Variants in WBP1 observed in about 807,000 individuals in gnomAD.
WBP1 encodes the protein WW domain-binding protein 1.
WBP1 carries 18 observed loss-of-function variants against 25.6 expected under a neutral mutation model. That is an observed-to-expected ratio of 0.70 (90% CI 0.49 to 1.04). The LOEUF (loss-of-function observed/expected upper bound fraction) is 1.04, where lower values mean the gene tolerates loss of function less well. Among genes scored for constraint, WBP1 ranks in the 50% least tolerant of loss-of-function variants. The pLI, the probability that WBP1 is intolerant of heterozygous loss-of-function variation, is 0.00. For synonymous variants in WBP1, 122 were observed against 137.7 expected, an observed-to-expected ratio of 0.89 and a Z score of 0.80; for missense variants, 330 against 352.9, an observed-to-expected ratio of 0.94 and a Z score of 0.52.
chr2:74,458,498 G>C lies in WBP1; in HGVS notation c.-105G>C. 4 of 1,486,704 alleles carry C rather than the reference G, an allele frequency of 2.7e-6. No homozygotes were observed. The highest frequency in any genetic ancestry group is 2.4e-4 in the Middle Eastern group (1 of 4,086). The allele number at this position is 1,486,704 out of a possible 1,614,324, so 92.1% of individuals were successfully genotyped here. ...GCCGCGGAGTGATGGTGGCCTCAGC[G>C]AAGATGGGCCGGGCAGGGACCATGG... On this transcript the variant is annotated 5_prime_UTR_variant, in exon 1 of 4. Coordinates refer to ENST00000233615, the MANE Select transcript of WBP1 (RefSeq NM_012477.4).
chr2:74,459,321 CGAG>C, intron 1 of WBP1: 1 of 267,446 alleles, frequency 3.7e-6, no homozygotes, highest in Non-Finnish European at 6.9e-6. Context: ...CAGAAAGCAC[CGAG>C]GGGATGGGGG....
chr2:74,459,494 A>G (rs968096289), intron 1 of WBP1, 149 bp from the exon 2 acceptor site: 35 of 719,894 alleles, frequency 4.9e-5, no homozygotes, highest in African/African-American at 1.4e-4. Context: ...AGATATTTCA[A>G]CACTCCTCTC....
intron 1 of WBP1, 155 bp from the exon 2 acceptor site, chr2:74,459,488 A>G (rs1434450837): frequency 1.4e-6 from 1 of 699,614 alleles, no homozygotes; most frequent in Non-Finnish European, 2.5e-6. Context: ...CCCTTCAGAT[A>G]TTTCAACACT....
At chr2:74,459,211 A>G (rs1671813083) in intron 1 of WBP1, 1 of 1,418,998 alleles carries the variant, frequency 7.0e-7, no homozygotes, top group East Asian at 2.5e-5. Flanking sequence ...GCGCAGGATA[A>G]TGAAAGCAAC....
rs964223807 is a variant in WBP1, at chr2:74,459,873, G to C, written c.173G>C (p.Trp58Ser). ...GTTGCTCCCTCCTTGCCTCTTGCAGGGTTCTGGCTGCTCTGGACTGTCCTC... is the reference window on the plus strand; with the variant it reads ...GTTGCTCCCTCCTTGCCTCTTGCAGCGTTCTGGCTGCTCTGGACTGTCCTC... The part of the protein sequence containing the change: ...GCCTYYYELW[W>S]FWLLWTVLIL... Residue 58 changes from tryptophan (W) to serine (S), a missense_variant and splice_region_variant, in exon 3 of 4, where the codon TGG becomes TCG. By Grantham distance (177) the Trp-to-Ser change is radical. Transcript: ENST00000233615. 2 of 1,613,240 alleles carry C rather than the reference G, an allele frequency of 1.2e-6. No homozygotes were observed. The highest frequency in any genetic ancestry group is 3.3e-5 in the Admixed American group (2 of 59,980).
intron 1 of WBP1, 47 bp downstream of exon 1, chr2:74,458,718 T>G (rs1029662902): frequency 1.9e-6 from 3 of 1,544,886 alleles, no homozygotes; most frequent in Admixed American, 2.0e-5. Flanking sequence ...TTTGTCTCTT[T>G]CCCCTTTCCT....
chr2:74,459,499 C>A (rs1466789495), intron 1 of WBP1, 144 bp from the exon 2 acceptor site: 2 of 736,260 alleles, frequency 2.7e-6, no homozygotes, highest in Non-Finnish European at 4.6e-6. Flanking sequence ...TTTCAACACT[C>A]CTCTCAGCAT....
chr2:74,459,738 G>A lies in WBP1; in HGVS notation c.165G>A (p.Glu55=), dbSNP rs1006534376. 4.3e-6 allele frequency: 7 copies of A among 1,614,056 alleles called. No homozygotes were observed. The Admixed American group carries it at 1.2e-4, about 27-fold the overall frequency. ...CTGGCTGCTGCACCTACTACTATGA[G>A]CTCTGGTGTAAGTCTCCAAGAGGGC... ...GETGCCTYYY[E]LWWFWLLWTV... Residue 55 remains glutamate (E), a synonymous_variant, in exon 2 of 4, where the codon GAG becomes GAA. Coordinates refer to ENST00000233615, the MANE Select transcript of WBP1 (RefSeq NM_012477.4).
chr2:74,459,056 C>G (rs1006910040), intron 1 of WBP1: 2 of 1,550,048 alleles, frequency 1.3e-6, no homozygotes, highest in African/African-American at 2.7e-5. Flanking sequence ...CCCAGACTCG[C>G]GCCCTGGATG....
chr2:74,460,623 A>C lies in WBP1; in HGVS notation c.752A>C (p.Glu251Ala). The change falls in exon 4 of 4, where the codon GAG (glutamate) becomes GCG (alanine). Residue 251 changes from glutamate to alanine, a missense_variant. Glu to Ala is a moderately radical substitution (Grantham distance 107, BLOSUM62 -1). Coordinates refer to ENST00000233615, the MANE Select transcript of WBP1 (RefSeq NM_012477.4). ...TACTCCCCGTGTGCACTACCCCCAG[A>C]GTCTGTACCGCAGATCTTTCCCATG... ...EDYSPCALPPESVPQIFPMGL... is the reference protein window; with the variant it reads ...EDYSPCALPPASVPQIFPMGL... 1 of 1,608,036 alleles carries C rather than the reference A, an allele frequency of 6.2e-7. No individual in the cohort carries two copies. Among genetic ancestry groups the C allele is most frequent in the Non-Finnish European group, 8.5e-7 (1 of 1,176,558 alleles).
chr2:74,459,559 T>C lies in WBP1; in HGVS notation c.70-84T>C, dbSNP rs1220021882. 6.3e-6 allele frequency: 8 copies of C among 1,265,708 alleles called. No homozygotes were observed. In the African/African-American group the frequency reaches 7.4e-5, roughly 12 times the overall value. The allele number at this position is 1,265,708 out of a possible 1,614,324, so 78.4% of individuals were successfully genotyped here. A position where few individuals can be genotyped will look rare whatever the true frequency, so the allele number is the denominator to read the frequency against. On this transcript the variant is annotated intron_variant, in intron 1 of 3. Transcript: ENST00000233615. ...GCTGAACTTGGTTCACAGGGTGGGATTGTGTATGTGCATGCAGGAGGTGGG... is the reference window on the plus strand; with the variant it reads ...GCTGAACTTGGTTCACAGGGTGGGACTGTGTATGTGCATGCAGGAGGTGGG...
Position 74,459,949 on chromosome 2 carries a change from G to C in WBP1, c.249G>C (p.Arg83Ser), listed in dbSNP as rs1236946226. ...CAFRHRRAKLRLQQQQRQREI... is the reference protein window; with the variant it reads ...CAFRHRRAKLSLQQQQRQREI... ...TCCGCCACCGACGAGCTAAACTCAG[G>C]CTGCAACAACAGCAGCGGCAGCGTG... Residue 83 changes from arginine to serine, a missense_variant, in exon 3 of 4, where the codon AGG becomes AGC. By Grantham distance (110) the Arg-to-Ser change is moderately radical. Transcript: ENST00000233615. 3.1e-6 allele frequency: 5 copies of C among 1,614,158 alleles called. No homozygotes were observed. In the African/African-American group the frequency reaches 4.0e-5, roughly 13 times the overall value.
chr2:74,459,787 C>T, intron 2 of WBP1, 42 bp downstream of exon 2: 1 of 1,613,540 alleles, frequency 6.2e-7, no homozygotes. Flanking sequence ...CTGTGTCCAC[C>T]CTCCCTTGGA....
chr2:74,458,536 AG>A lies in WBP1; in HGVS notation c.-65del, dbSNP rs1671783815. 6.6e-7 allele frequency: 1 copy of A among 1,523,086 alleles called. No homozygotes were observed. Among genetic ancestry groups the A allele is most frequent in the African/African-American group, 1.4e-5 (1 of 72,666 alleles). The allele number at this position is 1,523,086 out of a possible 1,614,324, so 94.3% of individuals were successfully genotyped here. On this transcript the variant is annotated 5_prime_UTR_variant, in exon 1 of 4. The change creates a premature stop within an existing upstream ORF in the 5' untranslated region. Transcript: ENST00000233615. Reference sequence around the variant, plus strand: ...GCAGGGACCATGGCGGTGGCAGCAGAGGTGGCAGGGGCGGGGCGGCTGGCGG... The same window carrying A: ...GCAGGGACCATGGCGGTGGCAGCAGAGTGGCAGGGGCGGGGCGGCTGGCGG...
At position 74,460,288 on chromosome 2, in the gene WBP1, C is replaced by G. The variant is rs151042212; in HGVS notation, c.417C>G (p.Pro139=). 552 of 1,614,130 alleles carry G rather than the reference C, an allele frequency of 3.4e-4. 2 individuals are homozygous for G. In the Middle Eastern group the frequency reaches 5.1e-3, roughly 15 times the overall value. ...TTCACCGCCCAGGCACACCACCCCC[C>G]CCTTATACTGTGGCCCCAGGCCGCC... The part of the protein sequence containing the change: ...DVVHRPGTPP[P]PYTVAPGRPL... The change falls in exon 4 of 4, where the codon CCC becomes CCG. Residue 139 remains proline, a synonymous_variant. Transcript: ENST00000233615.
Position 74,459,639 on chromosome 2 carries a change from G to T in WBP1, c.70-4G>T. ...CTTAGTTCTAAGTGCCTCCTTGCCC[G>T]CAGCTTCGAGAGCTGTGCCCAGGAG... On this transcript the variant is annotated splice_polypyrimidine_tract_variant and splice_region_variant and intron_variant, in intron 1 of 3. Coordinates refer to ENST00000233615, the MANE Select transcript of WBP1 (RefSeq NM_012477.4). 6.2e-7 allele frequency: 1 copy of T among 1,613,710 alleles called. No homozygotes were observed. Among genetic ancestry groups the T allele is most frequent in the Non-Finnish European group, 8.5e-7 (1 of 1,179,886 alleles).
Position 74,459,920 on chromosome 2 carries a change from G to A in WBP1, c.220G>A (p.Ala74Thr), listed in dbSNP as rs776821607. The A allele has an allele frequency of 8.7e-6, 14 of 1,614,134 alleles. No homozygotes were observed. In the East Asian group the frequency reaches 1.3e-4, roughly 15 times the overall value. ...CCTCATCCTCTTTAGCTGCTGTTGCGCCTTCCGCCACCGACGAGCTAAACT... is the reference window on the plus strand; with the variant it reads ...CCTCATCCTCTTTAGCTGCTGTTGCACCTTCCGCCACCGACGAGCTAAACT... ...TVLILFSCCCAFRHRRAKLRL... is the reference protein window; with the variant it reads ...TVLILFSCCCTFRHRRAKLRL... The change falls in exon 3 of 4, where the codon GCC (alanine) becomes ACC (threonine). Residue 74 changes from alanine (A) to threonine (T), a missense_variant. Coordinates refer to ENST00000233615, the MANE Select transcript of WBP1 (RefSeq NM_012477.4).
Position 74,460,422 on chromosome 2 carries a change from C to T in WBP1, c.551C>T (p.Pro184Leu), listed in dbSNP as rs747539014. ...GTTTCCTCCCACCAGAGTGCCCCCC[C>T]TCATCAGGAGGGTGAGCCCGGGGCA... ...EGVSSHQSAP[P>L]HQEGEPGAGV... Residue 184 changes from proline to leucine, a missense_variant, in exon 4 of 4, where the codon CCT becomes CTT. Transcript: ENST00000233615. 17 of 1,613,364 alleles carry T rather than the reference C, an allele frequency of 1.1e-5. No individual in the cohort carries two copies. Among genetic ancestry groups the T allele is most frequent in the East Asian group, 8.9e-5 (4 of 44,842 alleles).
intron 1 of WBP1, chr2:74,459,342 G>C: frequency 6.3e-6 from 3 of 474,106 alleles, no homozygotes; most frequent in South Asian, 4.9e-5. Flanking sequence ...GGGTAGGGGG[G>C]TTGGGGAGAG....
Sources: gnomAD v4.1 joint callset for allele counts on GRCh38, gnomAD v4.1.1 for gene constraint, MANE v1.5 for transcripts, NCBI Gene and HGNC (gene_info 2026-07-23, HGNC 2026-07-21) for gene names.